SLC4A4: variants seen among roughly 807,000 people sequenced by gnomAD.
SLC4A4 encodes the protein solute carrier family 4 member 4, also known as electrogenic sodium bicarbonate cotransporter 1.
SLC4A4 carries 27 observed loss-of-function variants against 111.5 expected under a neutral mutation model. The ratio of observed to expected loss-of-function variants is 0.24; its 90% CI spans 0.18 to 0.33. SLC4A4 has a LOEUF of 0.33. Among genes scored for constraint, SLC4A4 ranks in the 10% least tolerant of loss-of-function variants. The probability of loss-of-function intolerance (pLI) is 1.00; values close to 1 mark genes in which losing one functional copy is unlikely to be tolerated. For missense variants in SLC4A4, 909 were observed against 1,315.5 expected (o/e 0.69, Z 4.78); for synonymous variants, 443 against 463.4 (o/e 0.96, Z 0.57).
intron 7 of SLC4A4, 48 bp downstream of exon 7, chr4:71,397,701 T>C (rs375188672): frequency 4.7e-6 from 7 of 1,478,200 alleles, no homozygotes; most frequent in Non-Finnish European, 4.7e-6. Flanking sequence ...AACGTATATC[T>C]AAAAGATGCT....
intron 2 of SLC4A4, among the ~76,000 whole-genome samples, chr4:71,111,877 A>G (rs1479484401): frequency 6.9e-6 from 1 of 143,944 alleles, no homozygotes; most frequent in Non-Finnish European, 1.5e-5. Flanking sequence ...TTGTATTTTT[A>G]GTAGAAACAG....
At chr4:71,313,692 G>A (rs184561667) in intron 3 of SLC4A4, among the ~76,000 whole-genome samples, 3 of 152,214 alleles carry the variant, frequency 2.0e-5, no homozygotes, top group South Asian at 2.1e-4. Context: ...TTTAATAAAC[G>A]GTGCTGGGAA....
chr4:71,236,226 C>T, intron 1 of SLC4A4: 2 of 1,065,132 alleles, frequency 1.9e-6, no homozygotes, highest in Non-Finnish European at 1.1e-6. Context: ...CAAACTTCCT[C>T]TCTTGGTATT....
intron 3 of SLC4A4, among the ~76,000 whole-genome samples, chr4:71,262,743 A>G (rs534683232): frequency 6.6e-6 from 1 of 152,278 alleles, no homozygotes; most frequent in African/African-American, 2.4e-5. Context: ...TTAATTAAAT[A>G]ACAAACAAAC....
At chr4:71,339,785 C>G (rs1728737001) in intron 4 of SLC4A4, among the ~76,000 whole-genome samples, 1 of 152,048 alleles carries the variant, frequency 6.6e-6, no homozygotes. Flanking sequence ...AATTTATATA[C>G]TATTTAATAG....
At chr4:71,310,101 T>C (rs1370655060) in intron 3 of SLC4A4, among the ~76,000 whole-genome samples, 1 of 151,402 alleles carries the variant, frequency 6.6e-6, no homozygotes, top group Admixed American at 6.6e-5. Flanking sequence ...AAGATGAACT[T>C]AATGAAATAA....
At chr4:71,494,493 A>AG (rs397946790) in intron 15 of SLC4A4, among the ~76,000 whole-genome samples, 2 of 151,496 alleles carry the variant, frequency 1.3e-5, no homozygotes, top group Non-Finnish European at 2.9e-5. Context: ...AAAAAAAAAA[A>AG]TAATGGAGAT....
intron 10 of SLC4A4, among the ~76,000 whole-genome samples, chr4:71,450,897 T>G (rs185184438): frequency 9.8e-5 from 15 of 152,342 alleles, no homozygotes; most frequent in East Asian, 5.8e-4. Context: ...GTTAAGACAT[T>G]GGGTAAAATA....
chr4:71,120,730 T>C (rs1264414291), intron 2 of SLC4A4, among the ~76,000 whole-genome samples: 1 of 152,140 alleles, frequency 6.6e-6, no homozygotes, highest in Admixed American at 6.5e-5. Flanking sequence ...TAGCCAGGCG[T>C]GGTGGCGGGT....
intron 16 of SLC4A4, among the ~76,000 whole-genome samples, chr4:71,524,847 A>G (rs1331924879): frequency 2.6e-5 from 4 of 152,120 alleles, no homozygotes; most frequent in African/African-American, 9.7e-5. Flanking sequence ...AGGAATTGAC[A>G]TCATAAGTTA....
At chr4:71,376,556 T>G (rs1428458084) in intron 6 of SLC4A4, among the ~76,000 whole-genome samples, 1 of 148,942 alleles carries the variant, frequency 6.7e-6, no homozygotes, top group Non-Finnish European at 1.5e-5. Context: ...AAAATCCAAT[T>G]GTGTGTCATT....
At chr4:71,303,797 C>G (rs1725461570) in intron 3 of SLC4A4, among the ~76,000 whole-genome samples, 1 of 151,784 alleles carries the variant, frequency 6.6e-6, no homozygotes, top group Non-Finnish European at 1.5e-5. Flanking sequence ...TTTTTTCCCT[C>G]CCTTCCTCCC....
At chr4:71,191,199 T>C (rs1275069364) in intron 1 of SLC4A4, among the ~76,000 whole-genome samples, 3 of 152,326 alleles carry the variant, frequency 2.0e-5, no homozygotes, top group East Asian at 1.9e-4. Context: ...ACTTGCAATA[T>C]TTTCAATTTA....
intron 3 of SLC4A4, among the ~76,000 whole-genome samples, chr4:71,305,745 G>C (rs1725630596): frequency 6.6e-6 from 1 of 152,192 alleles, no homozygotes; most frequent in African/African-American, 2.4e-5. Flanking sequence ...CACTGTACGA[G>C]GAATCTAGGA....
chr4:71,494,701 G>A (rs547881292), intron 15 of SLC4A4, among the ~76,000 whole-genome samples: 2 of 152,094 alleles, frequency 1.3e-5, no homozygotes, highest in South Asian at 4.1e-4. Context: ...CCATAGAGAT[G>A]TGAGAACCAC....
chr4:71,206,681 C>T (rs1262300355), intron 1 of SLC4A4, among the ~76,000 whole-genome samples: 4 of 151,902 alleles, frequency 2.6e-5, no homozygotes, highest in South Asian at 2.1e-4. Flanking sequence ...CTGTTAACTC[C>T]GAATTATAAC....
intron 1 of SLC4A4, among the ~76,000 whole-genome samples, chr4:71,226,607 T>C (rs1257547133): frequency 6.6e-6 from 1 of 152,138 alleles, no homozygotes; most frequent in Non-Finnish European, 1.5e-5. Flanking sequence ...AACATAATAC[T>C]CTTCAGGGAG....
At chr4:71,563,963 CAT>C in intron 24 of SLC4A4, 74 bp downstream of exon 24, 2 of 927,268 alleles carry the variant, frequency 2.2e-6, no homozygotes, top group Non-Finnish European at 3.6e-6. Flanking sequence ...TTAGAATGGC[CAT>C]CTGCATTAAC....
chr4:71,249,553 T>C (rs1720913331), intron 2 of SLC4A4, among the ~76,000 whole-genome samples: 1 of 152,118 alleles, frequency 6.6e-6, no homozygotes, highest in Admixed American at 6.5e-5. Flanking sequence ...TAGAGCTGCT[T>C]ATGGACACTC....
Sources: gnomAD v4.1 joint callset for allele counts (sites outside exome capture counted in the v4.1 genomes callset) on GRCh38, gnomAD v4.1.1 for gene constraint, MANE v1.5 for transcripts, NCBI Gene and HGNC (gene_info 2026-07-23, HGNC 2026-07-21) for gene names.